VAV3: variants seen among roughly 807,000 people sequenced by gnomAD.
VAV3 encodes vav guanine nucleotide exchange factor 3.
In VAV3, 94 loss-of-function variants were observed where a neutral mutation model predicts 131.2. That is an observed-to-expected ratio of 0.72 (90% CI 0.61 to 0.85). The LOEUF (loss-of-function observed/expected upper bound fraction) is 0.85. Ranked by LOEUF, VAV3 falls within the 40% of genes least tolerant of loss-of-function variation. The probability of loss-of-function intolerance (pLI) is 0.00; values close to 1 mark genes in which losing one functional copy is unlikely to be tolerated. For synonymous variants in VAV3, 349 were observed against 342.0 expected (o/e 1.02, Z -0.22); for missense variants, 939 against 1,002.7 (o/e 0.94, Z 0.86).
Position 107,963,190 on chromosome 1 carries a change from G to A in VAV3, c.204+1476C>T, listed in dbSNP as rs555380359. Among the ~76,000 whole-genome samples the A allele has an allele frequency of 7.9e-4, 121 of 152,234 alleles. 1 individual carries two copies. The highest frequency in any genetic ancestry group is 2.9e-3 in the African/African-American group (120 of 41,542). On this transcript the variant is annotated intron_variant, in intron 1 of 26. Coordinates refer to ENST00000370056, the MANE Select transcript of VAV3 (RefSeq NM_006113.5). ...AAACAAGTTCCAGGAAATGTGCACA[G>A]TACTGTACTCCCTACTGGTGGGCCA...
At chr1:107,954,533 AATT>A (rs1425946296) in intron 1 of VAV3, among the ~76,000 whole-genome samples, 2 of 94,594 alleles carry the variant, frequency 2.1e-5, no homozygotes, top group Admixed American at 1.8e-4. Context: ...TCCTGAGGCA[AATT>A]TTTTTTTTTT....
chr1:107,633,324 T>G lies in VAV3; in HGVS notation c.1914+9295A>C, dbSNP rs187867116. 3.3e-5 allele frequency among the ~76,000 whole-genome samples: 5 copies of G among 152,328 alleles called. 1 individual carries two copies. The highest frequency in any genetic ancestry group is 3.3e-4 in the Admixed American group (5 of 15,296). On this transcript the variant is annotated intron_variant, in intron 20 of 26. Transcript: ENST00000370056. The stretch of plus-strand genomic sequence containing the variant: ...AAGCTAAATGCCTCTAAGCATACAT[T>G]AGGCATGGTTCTAGGACTCCTGCAT...
At chr1:107,757,989 C>A (rs915732880) in intron 10 of VAV3, among the ~76,000 whole-genome samples, 7 of 152,130 alleles carry the variant, frequency 4.6e-5, no homozygotes, top group Admixed American at 4.6e-4. Flanking sequence ...CGGACTCATC[C>A]GTCCAACTAA....
rs1225873160 is a variant in VAV3, at chr1:107,572,060, CAAGT to C, written c.*1267_*1270del. ...GGAAATATTTCCATCAGGAAAGGGC[CAAGT>C]TAGTGTCTTAACTTGACTGCCTTGA... On this transcript the variant is annotated 3_prime_UTR_variant, in exon 27 of 27. Coordinates refer to ENST00000370056, the MANE Select transcript of VAV3 (RefSeq NM_006113.5). 1 of 152,194 alleles carries C rather than the reference CAAGT, an allele frequency of 6.6e-6. No homozygotes were observed. The highest frequency in any genetic ancestry group is 1.5e-5 in the Non-Finnish European group (1 of 68,044). The allele number at this position is 152,194 out of a possible 1,614,324, so 9.4% of individuals were successfully genotyped here.
At position 107,677,421 on chromosome 1, in the gene VAV3, T is replaced by C. The variant is rs77785262; in HGVS notation, c.1777+6067A>G. On this transcript the variant is annotated intron_variant, in intron 19 of 26. Transcript: ENST00000370056. Reference sequence around the variant, plus strand: ...TCAGAGGTTGCTGGCCCATAAGAAATTACTGACTTTTCTTTATCTACTTAG... The same window carrying C: ...TCAGAGGTTGCTGGCCCATAAGAAACTACTGACTTTTCTTTATCTACTTAG... Among the ~76,000 whole-genome samples, 742 of 152,252 alleles carry C rather than the reference T, an allele frequency of 4.9e-3. 3 individuals carry two copies. Among genetic ancestry groups the C allele is most frequent in the Non-Finnish European group, 8.0e-3 (546 of 68,018 alleles).
At chr1:107,705,961 T>C (rs12567695) in intron 15 of VAV3, among the ~76,000 whole-genome samples, 15,109 of 152,236 alleles carry the variant, frequency 0.099, 1,002 homozygotes, top group East Asian at 0.27. Flanking sequence ...ATTTTTGTAC[T>C]TAGTAGGTAT....
At chr1:107,703,202 T>G (rs1441375347) in intron 17 of VAV3, among the ~76,000 whole-genome samples, 1 of 152,174 alleles carries the variant, frequency 6.6e-6, no homozygotes, top group African/African-American at 2.4e-5. Context: ...ATGGGGCATA[T>G]AAAGATGGAA....
chr1:107,646,429 T>C (rs1655740747), intron 19 of VAV3, among the ~76,000 whole-genome samples: 2 of 152,070 alleles, frequency 1.3e-5, no homozygotes, highest in Non-Finnish European at 2.9e-5. Flanking sequence ...GCAACTACCT[T>C]CAGACATTAA....
intron 12 of VAV3, among the ~76,000 whole-genome samples, chr1:107,751,459 GA>G (rs1452292156): frequency 6.6e-6 from 1 of 152,138 alleles, no homozygotes; most frequent in African/African-American, 2.4e-5. Context: ...AATTAGCTAT[GA>G]AAAGAAAGAC....
At chr1:107,803,779 T>C (rs192041945) in intron 2 of VAV3, among the ~76,000 whole-genome samples, 6 of 152,202 alleles carry the variant, frequency 3.9e-5, no homozygotes, top group Admixed American at 2.0e-4. Flanking sequence ...TCTAGTGTAG[T>C]AGTTTAACTC....
intron 2 of VAV3, among the ~76,000 whole-genome samples, chr1:107,797,759 T>C (rs1666616090): frequency 6.6e-6 from 1 of 152,122 alleles, no homozygotes; most frequent in Admixed American, 6.5e-5. Context: ...AGAGGAGAAA[T>C]ACCAAGTTGA....
intron 20 of VAV3, 92 bp downstream of exon 20, chr1:107,642,527 A>T: frequency 6.8e-7 from 1 of 1,462,132 alleles, no homozygotes; most frequent in Non-Finnish European, 9.3e-7. Context: ...TTTGCTTTGC[A>T]CTGTGGACTC....
intron 2 of VAV3, among the ~76,000 whole-genome samples, chr1:107,807,929 A>G (rs1366079813): frequency 6.6e-6 from 1 of 152,198 alleles, no homozygotes; most frequent in Non-Finnish European, 1.5e-5. Flanking sequence ...GTACATTTAC[A>G]AATAAGTAGC....
intron 1 of VAV3, 39 bp downstream of exon 1, chr1:107,964,627 T>C (rs750476407): frequency 1.3e-6 from 2 of 1,596,926 alleles, no homozygotes; most frequent in Non-Finnish European, 1.7e-6. Context: ...TAATGGGAGC[T>C]GCCGGCTGGA....
intron 19 of VAV3, among the ~76,000 whole-genome samples, chr1:107,681,686 G>T (rs893832522): frequency 7.0e-6 from 1 of 141,852 alleles, no homozygotes; most frequent in East Asian, 2.0e-4. Flanking sequence ...ACAGAGTCTC[G>T]CTTTGTCACC....
chr1:107,577,811 T>C (rs1443032704), intron 25 of VAV3, among the ~76,000 whole-genome samples: 1 of 152,200 alleles, frequency 6.6e-6, no homozygotes, highest in Non-Finnish European at 1.5e-5. Context: ...TAGGATTTTT[T>C]GGGAAAGAGA....
chr1:107,839,128 G>T (rs978836069), intron 2 of VAV3, among the ~76,000 whole-genome samples: 2 of 152,078 alleles, frequency 1.3e-5, no homozygotes, highest in East Asian at 3.8e-4. Context: ...AAAATTAAAA[G>T]AATACTGTAG....
At chr1:107,955,332 T>C (rs997227143) in intron 1 of VAV3, among the ~76,000 whole-genome samples, 3 of 152,210 alleles carry the variant, frequency 2.0e-5, no homozygotes, top group African/African-American at 7.2e-5. Context: ...TTTTTTAATT[T>C]GTAGATGTTT....
chr1:107,858,065 A>G lies in VAV3; in HGVS notation c.321+16836T>C, dbSNP rs190970141. On this transcript the variant is annotated intron_variant, in intron 2 of 26. Transcript: ENST00000370056. ...CTGGCAATAATAAATGTAATAAAGA[A>G]TATGCTTATACATTTTATACTTTTT... Among the ~76,000 whole-genome samples the G allele has an allele frequency of 3.3e-5, 5 of 152,328 alleles. No homozygotes were observed. The East Asian group carries it at 7.7e-4, about 23-fold the overall frequency.
Sources: gnomAD v4.1 joint callset for allele counts (sites outside exome capture counted in the v4.1 genomes callset) on GRCh38, gnomAD v4.1.1 for gene constraint, MANE v1.5 for transcripts, NCBI Gene and HGNC (gene_info 2026-07-23, HGNC 2026-07-21) for gene names.